Variants in RAP1A observed in about 807,000 individuals in gnomAD.
The protein encoded by RAP1A is RAP1A, member of RAS oncogene family, also known as ras-related protein Rap-1A.
A neutral mutation model predicts 26.4 loss-of-function variants in RAP1A; 6 were observed. The ratio of observed to expected loss-of-function variants is 0.23; its 90% CI spans 0.12 to 0.45. The LOEUF is 0.45. RAP1A is among the 20% of genes least tolerant of loss of function. The pLI is 0.99. For missense variants in RAP1A, 121 were observed against 217.2 expected, an observed-to-expected ratio of 0.56 and a Z score of 2.78; for synonymous variants, 73 against 79.4, an observed-to-expected ratio of 0.92 and a Z score of 0.43.
chr1:111,650,787 A>G (rs1660242090), intron 1 of RAP1A, among the ~76,000 whole-genome samples: 1 of 151,534 alleles, frequency 6.6e-6, no homozygotes. Flanking sequence ...ATGTGTGTCC[A>G]CCTTATAGTT....
intron 1 of RAP1A, among the ~76,000 whole-genome samples, chr1:111,576,787 C>T (rs750152376): frequency 6.6e-6 from 1 of 152,172 alleles, no homozygotes; most frequent in Admixed American, 6.5e-5. Context: ...AAGTCATTAA[C>T]GAAGCTACTA....
intron 1 of RAP1A, among the ~76,000 whole-genome samples, chr1:111,607,547 G>A (rs1434090166): frequency 1.3e-5 from 2 of 151,586 alleles, no homozygotes; most frequent in Non-Finnish European, 1.5e-5. Flanking sequence ...AGACGGGGCG[G>A]CTGGCCGGGC....
chr1:111,610,675 A>G (rs1658912045), intron 1 of RAP1A, among the ~76,000 whole-genome samples: 2 of 152,166 alleles, frequency 1.3e-5, no homozygotes, highest in Admixed American at 6.6e-5. Flanking sequence ...TTCTTATCCA[A>G]AAGCAGACGT....
chr1:111,677,070 A>G (rs778927074), intron 1 of RAP1A, among the ~76,000 whole-genome samples: 1 of 152,228 alleles, frequency 6.6e-6, no homozygotes, highest in Non-Finnish European at 1.5e-5. Flanking sequence ...CTGGGATTAC[A>G]GACATGAGCC....
chr1:111,648,355 C>T (rs528658318), intron 1 of RAP1A: 9 of 677,004 alleles, frequency 1.3e-5, no homozygotes, highest in Non-Finnish European at 1.8e-5. Flanking sequence ...GGTGGATGGT[C>T]GTCTTTTGGA....
At chr1:111,594,584 G>A (rs959447360) in intron 1 of RAP1A, among the ~76,000 whole-genome samples, 7 of 145,620 alleles carry the variant, frequency 4.8e-5, no homozygotes, top group African/African-American at 1.9e-4. Flanking sequence ...AAGGAAGGAA[G>A]GAAGGGAGGG....
rs1660632050 is a variant in RAP1A, at chr1:111,661,371, A to G, written c.-27-29963A>G. On this transcript the variant is annotated intron_variant, in intron 1 of 7. Transcript: ENST00000369709. ...GATCAGATGAGAGGCTATTATAGGG[A>G]TCCAGGTGTAAGCTGATGGTAGCTT... is the stretch of plus-strand genomic sequence containing the variant. Among the ~76,000 whole-genome samples the G allele has an allele frequency of 2.0e-5, 3 of 152,308 alleles. No individual in the cohort carries two copies. The South Asian group carries it at 6.2e-4, about 32-fold the overall frequency.
intron 1 of RAP1A, among the ~76,000 whole-genome samples, chr1:111,641,306 C>T (rs1257173431): frequency 6.6e-6 from 1 of 152,144 alleles, no homozygotes; most frequent in Non-Finnish European, 1.5e-5. Flanking sequence ...CTGCTTGCTC[C>T]TCCCTTCACT....
In RAP1A at chr1:111,587,834, G is replaced by A. The variant is rs188208997; in HGVS notation, c.-28+45325G>A. On this transcript the variant is annotated intron_variant, in intron 1 of 7. Coordinates refer to the RAP1A transcript ENST00000356415. ...ACTTGACCCCTCTACAGTATTTAAT[G>A]CTGTGAAATATTCCCTCCTCAACAT... Among the ~76,000 whole-genome samples the A allele has an allele frequency of 1.8e-4, 28 of 152,238 alleles. No homozygotes were observed. In the East Asian group the frequency reaches 3.5e-3, roughly 19 times the overall value.
chr1:111,697,523 T>C (rs1398962624), intron 4 of RAP1A, 26 bp downstream of exon 4: 5 of 1,610,304 alleles, frequency 3.1e-6, no homozygotes, highest in Non-Finnish European at 4.2e-6. Flanking sequence ...CTTTTTTTGA[T>C]AGATTTTAAT....
intron 1 of RAP1A, among the ~76,000 whole-genome samples, chr1:111,587,827 A>AT (rs1308914556): frequency 6.6e-6 from 1 of 152,166 alleles, no homozygotes; most frequent in Admixed American, 6.6e-5. Flanking sequence ...CCTCTACAGT[A>AT]TTTAATGCTG....
chr1:111,626,994 A>G (rs1659421196), intron 1 of RAP1A, among the ~76,000 whole-genome samples: 1 of 152,224 alleles, frequency 6.6e-6, no homozygotes, highest in Non-Finnish European at 1.5e-5. Context: ...GCTGGTAACA[A>G]GTCTGACGTT....
At chr1:111,565,396 G>A (rs943714497) in intron 1 of RAP1A, among the ~76,000 whole-genome samples, 11 of 152,202 alleles carry the variant, frequency 7.2e-5, no homozygotes, top group African/African-American at 2.4e-4. Context: ...AGACAAAGGC[G>A]TTACTGTCAA....
chr1:111,569,289 T>A (rs1176058131), intron 1 of RAP1A, among the ~76,000 whole-genome samples: 2 of 150,870 alleles, frequency 1.3e-5, no homozygotes, highest in Non-Finnish European at 2.9e-5. Context: ...CAGTCCCAGC[T>A]ACCTGGGAAG....
chr1:111,702,963 T>G (rs540451139), intron 4 of RAP1A, among the ~76,000 whole-genome samples: 47 of 152,290 alleles, frequency 3.1e-4, no homozygotes, highest in African/African-American at 1.0e-3. Flanking sequence ...CCAGTAGAGA[T>G]ATTGATTCTG....
Position 111,545,187 on chromosome 1 carries a change from T to C in RAP1A, c.-28+2678T>C, listed in dbSNP as rs555532902. Among the ~76,000 whole-genome samples, 7 of 152,260 alleles carry C rather than the reference T, an allele frequency of 4.6e-5. No individual in the cohort carries two copies. In the South Asian group the frequency reaches 1.5e-3, roughly 32 times the overall value. ...ATACAGTAACTTTATTTTCAACTTT[T>C]TGAGGAGCTACCAAACTGTTTTCCA... On this transcript the variant is annotated intron_variant, in intron 1 of 7. Coordinates refer to the RAP1A transcript ENST00000356415.
At chr1:111,547,375 ATAT>A (rs1389171229) in intron 1 of RAP1A, among the ~76,000 whole-genome samples, 2 of 151,898 alleles carry the variant, frequency 1.3e-5, no homozygotes, top group Non-Finnish European at 2.9e-5. Context: ...TATCCTATTA[ATAT>A]TATATTGATT....
chr1:111,598,843 C>T (rs192532721), intron 1 of RAP1A, among the ~76,000 whole-genome samples: 2 of 152,314 alleles, frequency 1.3e-5, no homozygotes, highest in African/African-American at 4.8e-5. Flanking sequence ...TCTCACAAAG[C>T]TGCCCCTACT....
At chr1:111,567,519 C>A (rs1347169209) in intron 1 of RAP1A, among the ~76,000 whole-genome samples, 1 of 152,106 alleles carries the variant, frequency 6.6e-6, no homozygotes, top group Non-Finnish European at 1.5e-5. Context: ...TGAACTGTGT[C>A]CCCCCAAAAT....
Sources: gnomAD v4.1 joint callset for allele counts (sites outside exome capture counted in the v4.1 genomes callset) on GRCh38, gnomAD v4.1.1 for gene constraint, MANE v1.5 for transcripts, NCBI Gene and HGNC (gene_info 2026-07-23, HGNC 2026-07-21) for gene names.